The following PRDM16 variants were observed in gnomAD, a reference collection of about 807,000 sequenced individuals.
PRDM16 encodes the protein PR/SET domain 16, also known as histone-lysine N-methyltransferase PRDM16.
Under a neutral mutation model 110.6 loss-of-function variants are expected in PRDM16, and 23 were observed. The observed-to-expected ratio is 0.21, with a 90% CI of 0.15 to 0.29. The LOEUF is 0.29. Ranked by LOEUF, PRDM16 falls within the 10% of genes least tolerant of loss-of-function variation. PRDM16 has a pLI of 1.00. For synonymous variants in PRDM16, 799 were observed against 781.8 expected (o/e 1.02, Z -0.37); for missense variants, 1,615 against 1,794.3 (o/e 0.90, Z 1.81).
intron 1 of PRDM16, among the ~76,000 whole-genome samples, chr1:3,152,357 CATCCATCCATCCATCCATCCATCCATTT>C (rs1643791557): frequency 4.5e-5 from 4 of 88,206 alleles, no homozygotes; most frequent in East Asian, 5.6e-4. Context: ...TTCATCCATC[CATCCATCCATCCATCCATCCATCCATTT>C]ATCCATCCAT....
rs777524362 is a variant in PRDM16 at position 3,244,044 on chromosome 1, GT to G, written c.388-39del. ...TTAGAACCCAGTGTAGCTTGAGAAT[GT>G]TTTATCAGAAACTAACAACCCCTCT... On this transcript the variant is annotated intron_variant, in intron 2 of 16. Transcript: ENST00000270722. The surrounding 1 kb of genome is among the most constrained non-coding windows in gnomAD (Gnocchi z 4.1). 1 of 1,602,710 alleles carries G rather than the reference GT, an allele frequency of 6.2e-7. No individual in the cohort carries two copies. Among genetic ancestry groups the G allele is most frequent in the African/African-American group, 1.3e-5 (1 of 74,690 alleles).
chr1:3,217,309 C>T (rs894475935), intron 2 of PRDM16, among the ~76,000 whole-genome samples: 9 of 152,220 alleles, frequency 5.9e-5, no homozygotes, highest in Non-Finnish European at 8.8e-5. Flanking sequence ...CAGCAGTGGG[C>T]GCACGGCAGC....
intron 3 of PRDM16, among the ~76,000 whole-genome samples, chr1:3,374,298 G>A (rs748638014): frequency 1.1e-4 from 16 of 152,180 alleles, no homozygotes; most frequent in Middle Eastern, 3.2e-3. Context: ...CACCCAGGGC[G>A]CCCCCTTGGC....
At position 3,339,852 on chromosome 1, in the gene PRDM16, G is replaced by A. The variant is rs1024570418; in HGVS notation, c.439-45300G>A. ...GGAAGAATCCACTCTGGCCAGGGCC[G>A]GTGCTAGGGCAGCCCAGCTCAGTCC... On this transcript the variant is annotated intron_variant, in intron 3 of 16. Coordinates refer to ENST00000270722, the MANE Select transcript of PRDM16 (RefSeq NM_022114.4). This position sits in a 1 kb window ranked among gnomAD's most constrained non-coding sequence, Gnocchi z 5.0. Among the ~76,000 whole-genome samples, 41 of 152,180 alleles carry A rather than the reference G, an allele frequency of 2.7e-4. No individual in the cohort carries two copies. The highest frequency in any genetic ancestry group is 6.3e-4 in the African/African-American group (26 of 41,442).
In PRDM16 at chr1:3,228,084, C is replaced by T. The variant is rs951719535; in HGVS notation, c.388-16003C>T. ...ACAGAAGCGCCAGTGGCGAGGCTGTCCCTGCCAGTTGGCAGCACTGATTGA... is the reference window on the plus strand; with the variant it reads ...ACAGAAGCGCCAGTGGCGAGGCTGTTCCTGCCAGTTGGCAGCACTGATTGA... On this transcript the variant is annotated intron_variant, in intron 2 of 16. Coordinates refer to ENST00000270722, the MANE Select transcript of PRDM16 (RefSeq NM_022114.4). 3.3e-5 allele frequency among the ~76,000 whole-genome samples: 5 copies of T among 152,260 alleles called. No homozygotes were observed. The South Asian group carries it at 1.0e-3, about 32-fold the overall frequency.
chr1:3,279,113 C>A (rs1368527583), intron 3 of PRDM16, among the ~76,000 whole-genome samples: 2 of 152,254 alleles, frequency 1.3e-5, no homozygotes, highest in Admixed American at 6.5e-5. Flanking sequence ...CCACCAATAG[C>A]CACGTGGGCA....
At chr1:3,212,655 G>T (rs1348471449) in intron 2 of PRDM16, among the ~76,000 whole-genome samples, 1 of 150,660 alleles carries the variant, frequency 6.6e-6, no homozygotes, top group African/African-American at 2.4e-5. Context: ...CCTCGCTGCG[G>T]TCCTCCCGCT....
chr1:3,283,413 C>G (rs565107658), intron 3 of PRDM16, among the ~76,000 whole-genome samples: 1 of 152,300 alleles, frequency 6.6e-6, no homozygotes, highest in South Asian at 2.1e-4. Flanking sequence ...GCAGCCAGAC[C>G]CTGGAGGTGG....
Position 3,425,433 on chromosome 1 carries a change from G to A in PRDM16, c.2940-148G>A. On this transcript the variant is annotated intron_variant, in intron 12 of 16. Transcript: ENST00000270722. The surrounding 1 kb of genome is among the most constrained non-coding windows in gnomAD (Gnocchi z 6.9). ...AGGATGCCTTTGGCTCTGCAGCTGG[G>A]AGATCCAGCAACCTCCGGGACACGG... 1.3e-6 allele frequency: 1 copy of A among 797,658 alleles called. No homozygotes were observed. The allele number at this position is 797,658 out of a possible 1,614,324, so 49.4% of individuals were successfully genotyped here. A position where few individuals can be genotyped will look rare whatever the true frequency, so the allele number is the denominator to read the frequency against.
rs369175671 is a variant in PRDM16, at chr1:3,411,353, G to C, written c.1187-31G>C. 1.1e-5 allele frequency: 17 copies of C among 1,577,308 alleles called. No individual in the cohort carries two copies. The East Asian group carries it at 3.2e-4, about 29-fold the overall frequency. On this transcript the variant is annotated intron_variant, in intron 8 of 16. Coordinates refer to ENST00000270722, the MANE Select transcript of PRDM16 (RefSeq NM_022114.4). Reference sequence around the variant, plus strand: ...GCAGGGTTTCCCGGTCATTTCATGCGGGTTTGTCTTGGCTTCTGCTGATGT... The same window carrying C: ...GCAGGGTTTCCCGGTCATTTCATGCCGGTTTGTCTTGGCTTCTGCTGATGT...
intron 3 of PRDM16, among the ~76,000 whole-genome samples, chr1:3,361,759 G>T (rs1421413000): frequency 1.3e-5 from 2 of 152,198 alleles, no homozygotes; most frequent in African/African-American, 2.4e-5. Context: ...GTGGTGAGAA[G>T]TGACGCGGTC....
At chr1:3,324,683 C>T (rs1315916481) in intron 3 of PRDM16, among the ~76,000 whole-genome samples, 1 of 151,850 alleles carries the variant, frequency 6.6e-6, no homozygotes, top group Non-Finnish European at 1.5e-5. Context: ...AGGCAGGCTC[C>T]GACTCCATGG....
intron 3 of PRDM16, among the ~76,000 whole-genome samples, chr1:3,268,500 C>T (rs1024957958): frequency 6.6e-6 from 1 of 152,114 alleles, no homozygotes; most frequent in East Asian, 1.9e-4. Context: ...ACGGGCCCTG[C>T]GAGGGGCGAG....
intron 12 of PRDM16, among the ~76,000 whole-genome samples, chr1:3,423,636 G>T (rs924642459): frequency 2.0e-5 from 3 of 152,216 alleles, no homozygotes; most frequent in African/African-American, 7.2e-5. Context: ...TCGGGGCGGG[G>T]TGGGGCCTCT....
chr1:3,180,271 T>C (rs1644134737), intron 1 of PRDM16, among the ~76,000 whole-genome samples: 1 of 152,118 alleles, frequency 6.6e-6, no homozygotes. Flanking sequence ...TCATGAAGTA[T>C]GTTCTGCTGT....
At chr1:3,319,520 G>A (rs1041502883) in intron 3 of PRDM16, among the ~76,000 whole-genome samples, 3 of 152,180 alleles carry the variant, frequency 2.0e-5, no homozygotes, top group Admixed American at 1.3e-4. Flanking sequence ...CAGGCTGGGG[G>A]CCAGGGGATT....
At position 3,213,663 on chromosome 1, in the gene PRDM16, T is replaced by C. The variant is rs1476184146; in HGVS notation, c.387+27189T>C. On this transcript the variant is annotated intron_variant, in intron 2 of 16. Coordinates refer to ENST00000270722, the MANE Select transcript of PRDM16 (RefSeq NM_022114.4). This position sits in a 1 kb window ranked among gnomAD's most constrained non-coding sequence, Gnocchi z 5.3. Reference sequence around the variant, plus strand: ...ATGAGATGCTCCAAGCTCCTCCTGTTCTTACCCAGCATTTCCCCAGGATTC... The same window carrying C: ...ATGAGATGCTCCAAGCTCCTCCTGTCCTTACCCAGCATTTCCCCAGGATTC... Among the ~76,000 whole-genome samples, 6 of 152,088 alleles carry C rather than the reference T, an allele frequency of 3.9e-5. No homozygotes were observed. Among genetic ancestry groups the C allele is most frequent in the Non-Finnish European group, 7.4e-5 (5 of 68,012 alleles).
rs1394623079 is a variant in PRDM16 at position 3,081,383 on chromosome 1, G to A, written c.37+12087G>A. ...AAGGGAACGAGGGGCTGGTGGCCAC[G>A]GTGGGCGTGAGAGGCCCATTCCTGC... is the stretch of plus-strand genomic sequence containing the variant. On this transcript the variant is annotated intron_variant, in intron 1 of 16. Transcript: ENST00000270722. This position sits in a 1 kb window ranked among gnomAD's most constrained non-coding sequence, Gnocchi z 4.6. Among the ~76,000 whole-genome samples, 1 of 152,190 alleles carries A rather than the reference G, an allele frequency of 6.6e-6. No individual in the cohort carries two copies. The highest frequency in any genetic ancestry group is 6.5e-5 in the Admixed American group (1 of 15,280).
At chr1:3,305,602 C>T (rs939499795) in intron 3 of PRDM16, among the ~76,000 whole-genome samples, 5 of 151,484 alleles carry the variant, frequency 3.3e-5, no homozygotes, top group Middle Eastern at 3.5e-3. Context: ...TGATAAAATC[C>T]TTCGTGGAGT....
Sources: gnomAD v4.1 joint callset for allele counts (sites outside exome capture counted in the v4.1 genomes callset) on GRCh38, gnomAD v4.1.1 for gene constraint, Gnocchi (gnomAD v3.1) non-coding constraint, MANE v1.5 for transcripts, NCBI Gene and HGNC (gene_info 2026-07-23, HGNC 2026-07-21) for gene names.